The following PTPRD variants were observed in gnomAD, a reference collection of about 807,000 sequenced individuals.
PTPRD encodes the protein receptor-type tyrosine-protein phosphatase delta.
In PTPRD, 34 loss-of-function variants were observed where a neutral mutation model predicts 214.5. The observed-to-expected ratio is 0.16, with a 90% confidence interval of 0.12 to 0.21. The LOEUF (loss-of-function observed/expected upper bound fraction) is 0.21, where lower values mean the gene tolerates loss of function less well. Ranked by LOEUF, PTPRD falls within the 10% of genes least tolerant of loss-of-function variation. PTPRD has a pLI of 1.00. For synonymous variants in PTPRD, 1,128 were observed against 845.7 expected (o/e 1.33, Z -5.79); for missense variants, 2,545 against 2,398.7 (o/e 1.06, Z -1.27).
At chr9:9,558,379 G>A (rs2082050459) in intron 8 of PTPRD, among the ~76,000 whole-genome samples, 1 of 152,088 alleles carries the variant, frequency 6.6e-6, no homozygotes, top group African/African-American at 2.4e-5. Context: ...GCCTATCCTT[G>A]ACTAAGGCAC....
chr9:9,232,785 C>T (rs764864087), intron 9 of PTPRD, among the ~76,000 whole-genome samples: 1 of 152,092 alleles, frequency 6.6e-6, no homozygotes, highest in Non-Finnish European at 1.5e-5. Context: ...CATTGGAAAG[C>T]CTCAGAAGTA....
At chr9:10,465,681 T>TACTAGGCTA (rs1202780780) in intron 2 of PTPRD, among the ~76,000 whole-genome samples, 1 of 152,198 alleles carries the variant, frequency 6.6e-6, no homozygotes, top group Non-Finnish European at 1.5e-5. Context: ...CCTACAGTAC[T>TACTAGGCTA]CAGTACAGCA....
chr9:9,105,040 A>G (rs1312633266), intron 10 of PTPRD, among the ~76,000 whole-genome samples: 1 of 152,212 alleles, frequency 6.6e-6, no homozygotes, highest in Non-Finnish European at 1.5e-5. Flanking sequence ...CTTCCTGCCA[A>G]CAGCCTCAGA....
At chr9:9,998,146 A>ATATATATATATATATATAT (rs1566998658) in intron 4 of PTPRD, among the ~76,000 whole-genome samples, 3 of 137,740 alleles carry the variant, frequency 2.2e-5, no homozygotes, top group African/African-American at 8.4e-5. Flanking sequence ...ATATATATAT[A>ATATATATATATATATATAT]AAAGAAGAAG....
In PTPRD at chr9:8,396,616, C is replaced by G. The variant is rs374340178; in HGVS notation, c.4211-7209G>C. ...TACTCTTCGATTAGCTTTCTGAGAA[C>G]AAGAGTAAAGCAAAAAACAACACAG... On this transcript the variant is annotated intron_variant, in intron 36 of 45. Coordinates refer to ENST00000381196, the MANE Select transcript of PTPRD (RefSeq NM_002839.4). 2.0e-5 allele frequency among the ~76,000 whole-genome samples: 3 copies of G among 152,134 alleles called. No homozygotes were observed. In the East Asian group the frequency reaches 5.8e-4, roughly 29 times the overall value.
chr9:9,085,490 CTTA>C (rs1322058073), intron 10 of PTPRD, among the ~76,000 whole-genome samples: 2 of 152,042 alleles, frequency 1.3e-5, no homozygotes, highest in African/African-American at 4.8e-5. Context: ...ATAACAGCGC[CTTA>C]TTATTTTTCA....
At chr9:8,777,298 TA>T (rs1169739988) in intron 11 of PTPRD, among the ~76,000 whole-genome samples, 1 of 152,170 alleles carries the variant, frequency 6.6e-6, no homozygotes, top group Admixed American at 6.6e-5. Flanking sequence ...GAATGAAATT[TA>T]AACAGAGGTA....
intron 30 of PTPRD, among the ~76,000 whole-genome samples, chr9:8,472,809 G>C (rs904930961): frequency 3.9e-5 from 6 of 152,068 alleles, no homozygotes; most frequent in Non-Finnish European, 7.4e-5. Flanking sequence ...ATATTTGCTG[G>C]ACGGCACTGC....
At chr9:8,512,697 T>C (rs2097705630) in intron 21 of PTPRD, among the ~76,000 whole-genome samples, 1 of 151,946 alleles carries the variant, frequency 6.6e-6, no homozygotes, top group Admixed American at 6.6e-5. Flanking sequence ...GCATATACTG[T>C]TAAAGGTATA....
At chr9:9,764,070 T>C (rs551056706) in intron 6 of PTPRD, among the ~76,000 whole-genome samples, 3 of 152,288 alleles carry the variant, frequency 2.0e-5, no homozygotes, top group Admixed American at 1.3e-4. Context: ...TTAAAATTAA[T>C]GTATTTACAT....
chr9:8,760,041 T>C (rs1311624045), intron 11 of PTPRD, among the ~76,000 whole-genome samples: 2 of 152,160 alleles, frequency 1.3e-5, no homozygotes, highest in Non-Finnish European at 2.9e-5. Flanking sequence ...CAGTGGTGCT[T>C]GTAGCTGGAA....
In PTPRD at chr9:9,059,869, T is replaced by A. The variant is rs1412103; in HGVS notation, c.-142-41134A>T. 3.7e-3 allele frequency among the ~76,000 whole-genome samples: 564 copies of A among 152,148 alleles called. 8 individuals are homozygous for A. The East Asian group carries it at 0.04, about 11-fold the overall frequency. ...TAAAAATGTATAGGACCCCTACAAA[T>A]AAAATATACATCATTTTGAAGAGAA... On this transcript the variant is annotated intron_variant, in intron 10 of 45. Coordinates refer to ENST00000381196, the MANE Select transcript of PTPRD (RefSeq NM_002839.4).
intron 11 of PTPRD, among the ~76,000 whole-genome samples, chr9:8,735,910 CAAA>C (rs34573821): frequency 0.067 from 8,776 of 130,960 alleles, 303 homozygotes; most frequent in South Asian, 0.19. Context: ...GACTTCGTCT[CAAA>C]AAAAAAAAAA....
At chr9:10,169,741 G>T (rs1433232658) in intron 3 of PTPRD, among the ~76,000 whole-genome samples, 1 of 152,040 alleles carries the variant, frequency 6.6e-6, no homozygotes, top group Non-Finnish European at 1.5e-5. Flanking sequence ...GCCAGTAAAA[G>T]GTGCTGTAGA....
intron 9 of PTPRD, among the ~76,000 whole-genome samples, chr9:9,395,928 G>A (rs1480595008): frequency 1.3e-5 from 2 of 152,006 alleles, no homozygotes. Context: ...TGATATGATT[G>A]CCTTTGAATA....
intron 5 of PTPRD, among the ~76,000 whole-genome samples, chr9:9,900,652 T>TGTTTTTTTTG (rs2153807318): frequency 6.7e-6 from 1 of 149,150 alleles, no homozygotes; most frequent in Non-Finnish European, 1.5e-5. Flanking sequence ...TTTTTTTTTT[T>TGTTTTTTTTG]TTTGAGATGG....
chr9:10,246,732 G>A (rs79515513), intron 3 of PTPRD, among the ~76,000 whole-genome samples: 4,298 of 151,482 alleles, frequency 0.028, 173 homozygotes, highest in East Asian at 0.19. Flanking sequence ...AATCCTTAAA[G>A]CAAAATTTCC....
intron 10 of PTPRD, among the ~76,000 whole-genome samples, chr9:9,062,523 T>C (rs1200993964): frequency 1.3e-5 from 2 of 151,348 alleles, no homozygotes; most frequent in South Asian, 2.1e-4. Context: ...CTTTTCTCTA[T>C]CTATCTTTTC....
chr9:10,269,362 T>C (rs1458421357), intron 3 of PTPRD, among the ~76,000 whole-genome samples: 1 of 152,198 alleles, frequency 6.6e-6, no homozygotes, highest in East Asian at 1.9e-4. Flanking sequence ...GTGGTTCCTA[T>C]TGAGTAATAT....
Sources: allele counts gnomAD v4.1 joint callset (sites outside exome capture counted in the v4.1 genomes callset), GRCh38; gene constraint gnomAD v4.1.1; transcripts MANE v1.5; gene names NCBI Gene and HGNC (gene_info 2026-07-23, HGNC 2026-07-21).